Variants in USH2A observed in about 807,000 individuals in gnomAD.
USH2A encodes usherin, also known as Usher syndrome 2A (autosomal recessive, mild).
Under a neutral mutation model 538.9 loss-of-function variants are expected in USH2A, and 443 were observed. The observed-to-expected ratio is 0.82, with a 90% CI of 0.76 to 0.89. The LOEUF is 0.89. USH2A is among the 40% of genes least tolerant of loss of function. The pLI, the probability that USH2A is intolerant of heterozygous loss-of-function variation, is 0.00. For missense variants in USH2A, 6,633 were observed against 6,324.8 expected (o/e 1.05, Z -1.65); for synonymous variants, 2,413 against 2,273.5 (o/e 1.06, Z -1.75).
chr1:216,412,816 G>A (rs4350256), intron 3 of USH2A, among the ~76,000 whole-genome samples: 113,396 of 151,084 alleles, frequency 0.75, 42,720 homozygotes, highest in East Asian at 0.84. Context: ...GAGAAGCTTG[G>A]GACTATAAAT....
chr1:216,375,502 G>C (rs923655793), intron 3 of USH2A, among the ~76,000 whole-genome samples: 3 of 152,066 alleles, frequency 2.0e-5, no homozygotes, highest in Non-Finnish European at 4.4e-5. Context: ...ACTTCTCTCA[G>C]CCTTCACATA....
intron 21 of USH2A, among the ~76,000 whole-genome samples, chr1:216,126,445 G>C (rs903064305): frequency 1.3e-5 from 2 of 152,092 alleles, no homozygotes; most frequent in South Asian, 2.1e-4. Flanking sequence ...GGCTGGTCTT[G>C]AACTCCTGAC....
intron 64 of USH2A, among the ~76,000 whole-genome samples, chr1:215,663,287 T>G (rs569755595): frequency 1.3e-5 from 2 of 152,358 alleles, no homozygotes; most frequent in East Asian, 3.9e-4. Context: ...ATGGACCTAC[T>G]AAGTAGCAGG....
In USH2A at chr1:215,817,116, A is replaced by G. The variant is rs143914034; in HGVS notation, c.9451T>C (p.Tyr3151His). The G allele has an allele frequency of 6.8e-6, 11 of 1,612,798 alleles. No homozygotes were observed. In the African/African-American group the frequency reaches 1.3e-4, roughly 20 times the overall value. Residue 3151 changes from tyrosine to histidine, a missense_variant, in exon 48 of 72, where the codon TAT (tyrosine) becomes CAT (histidine). Tyr to His is a moderately conservative substitution (Grantham distance 83). Coordinates refer to ENST00000307340, the MANE Select transcript of USH2A (RefSeq NM_206933.4). ...LGYDLLWKTWYPCAKTQKLVQ... is the reference protein window; with the variant it reads ...LGYDLLWKTWHPCAKTQKLVQ... ...AACTTTTGAGTTTTAGCGCATGGAT[A>G]CCATGTTTTCCATAGGAGATCATAT...
At chr1:216,335,526 A>T (rs2037952317) in intron 4 of USH2A, among the ~76,000 whole-genome samples, 1 of 151,638 alleles carries the variant, frequency 6.6e-6, no homozygotes, top group Admixed American at 6.6e-5. Context: ...TTTGACAAAC[A>T]TTCAACTAGA....
intron 16 of USH2A, among the ~76,000 whole-genome samples, chr1:216,200,379 AG>A (rs2034957913): frequency 6.6e-6 from 1 of 152,178 alleles, no homozygotes. Flanking sequence ...TGCTTTTCAT[AG>A]TGTCCTTTTG....
intron 3 of USH2A, among the ~76,000 whole-genome samples, chr1:216,371,426 C>A (rs1230925545): frequency 6.6e-6 from 1 of 152,136 alleles, no homozygotes; most frequent in Non-Finnish European, 1.5e-5. Context: ...TAATACAATT[C>A]AAAATTGCAG....
chr1:216,242,948 A>T (rs949340614), intron 13 of USH2A, among the ~76,000 whole-genome samples: 1 of 152,202 alleles, frequency 6.6e-6, no homozygotes, highest in African/African-American at 2.4e-5. Context: ...ATGTTCTCTG[A>T]TTAAATTAAG....
At chr1:215,676,787 A>G (rs1353371559) in intron 62 of USH2A, among the ~76,000 whole-genome samples, 3 of 152,128 alleles carry the variant, frequency 2.0e-5, no homozygotes, top group Admixed American at 6.6e-5. Context: ...TGACCCCCCA[A>G]GCACCCCTTG....
At chr1:216,153,220 G>T (rs1234449999) in intron 21 of USH2A, among the ~76,000 whole-genome samples, 2 of 152,154 alleles carry the variant, frequency 1.3e-5, no homozygotes, top group Non-Finnish European at 2.9e-5. Context: ...AGAAAGCACT[G>T]AGCTGGTTAA....
Position 216,234,832 on chromosome 1 carries a change from G to A in USH2A, c.2810-2696C>T, listed in dbSNP as rs573846970. On this transcript the variant is annotated intron_variant, in intron 13 of 71. Transcript: ENST00000307340. ...CAGAAGTTGGGTAGTCCAAGTTTTGGGGAATAAAGAATGTCACAGAAAAAT... is the reference window on the plus strand; with the variant it reads ...CAGAAGTTGGGTAGTCCAAGTTTTGAGGAATAAAGAATGTCACAGAAAAAT... Among the ~76,000 whole-genome samples the A allele has an allele frequency of 1.7e-4, 26 of 152,078 alleles. No individual in the cohort carries two copies. In the South Asian group the frequency reaches 5.0e-3, roughly 29 times the overall value.
At chr1:215,793,249 T>C (rs1260629856) in intron 50 of USH2A, among the ~76,000 whole-genome samples, 1 of 152,146 alleles carries the variant, frequency 6.6e-6, no homozygotes, top group South Asian at 2.1e-4. Flanking sequence ...GAATTATGTA[T>C]CATGCCTTTG....
intron 9 of USH2A, among the ~76,000 whole-genome samples, chr1:216,316,319 A>G (rs1162633774): frequency 1.3e-5 from 2 of 152,184 alleles, no homozygotes; most frequent in East Asian, 3.9e-4. Context: ...TAAAAGAAAT[A>G]GGAGTTAACA....
At chr1:215,698,844 A>G (rs1658905326) in intron 61 of USH2A, among the ~76,000 whole-genome samples, 1 of 152,068 alleles carries the variant, frequency 6.6e-6, no homozygotes. Context: ...CCCATTTGTC[A>G]ATATTAGCTT....
At chr1:215,641,738 A>C (rs1197809981) in intron 67 of USH2A, among the ~76,000 whole-genome samples, 1 of 152,240 alleles carries the variant, frequency 6.6e-6, no homozygotes, top group Non-Finnish European at 1.5e-5. Context: ...TTTAAAAATC[A>C]ATCCATCTAT....
intron 61 of USH2A, among the ~76,000 whole-genome samples, chr1:215,687,312 T>C (rs1237534593): frequency 1.3e-5 from 2 of 152,006 alleles, no homozygotes; most frequent in African/African-American, 4.8e-5. Context: ...TTTAATGCTT[T>C]TACTCCAACA....
At chr1:216,092,138 T>C (rs2032317299) in intron 22 of USH2A, among the ~76,000 whole-genome samples, 1 of 152,140 alleles carries the variant, frequency 6.6e-6, no homozygotes, top group African/African-American at 2.4e-5. Flanking sequence ...CAGTTATGAG[T>C]AGTAGTATCC....
At chr1:216,267,222 G>T (rs1005288763) in intron 11 of USH2A, among the ~76,000 whole-genome samples, 1 of 152,106 alleles carries the variant, frequency 6.6e-6, no homozygotes, top group Non-Finnish European at 1.5e-5. Flanking sequence ...GATCAACTGT[G>T]TCAAATCCTG....
At chr1:215,963,615 T>C (rs763777823) in intron 37 of USH2A, among the ~76,000 whole-genome samples, 2 of 152,104 alleles carry the variant, frequency 1.3e-5, no homozygotes, top group Non-Finnish European at 1.5e-5. Context: ...CAGCAGGAGA[T>C]AAATGGCTGG....
Sources: gnomAD v4.1 joint callset for allele counts (sites outside exome capture counted in the v4.1 genomes callset) on GRCh38, gnomAD v4.1.1 for gene constraint, MANE v1.5 for transcripts, NCBI Gene and HGNC (gene_info 2026-07-23, HGNC 2026-07-21) for gene names.